The following ZNF672 variants were observed in gnomAD, a reference collection of about 807,000 sequenced individuals.
The protein encoded by ZNF672 is hypothetical protein FLJ22301.
For missense variants in ZNF672, 733 were observed against 701.1 expected (o/e 1.05, Z -0.51); for synonymous variants, 358 against 305.6 (o/e 1.17, Z -1.79).
Position 248,848,025 on chromosome 1 carries a change from G to T in ZNF672, c.751G>T (p.Gly251Cys). Residue 251 changes from glycine (G) to cysteine (C), a missense_variant, in exon 4 of 4, where the codon GGC becomes TGC. Transcript: ENST00000306562. Reference protein sequence around the residue: ...TLVRHQRTHTGEKPYACGDCG... With the variant: ...TLVRHQRTHTCEKPYACGDCG... ...GGTGCGCCACCAGCGCACACACACG[G>T]GCGAGAAGCCGTACGCATGTGGCGA... The T allele has an allele frequency of 6.4e-7, 1 of 1,555,864 alleles. No homozygotes were observed.
chr1:248,839,892 C>A lies in ZNF672; in HGVS notation c.-475+1341C>A, dbSNP rs117450541. 2.6e-3 allele frequency among the ~76,000 whole-genome samples: 391 copies of A among 151,670 alleles called. 12 individuals carry two copies. The East Asian group carries it at 0.067, about 26-fold the overall frequency. ...TAGCTGAGACTACAGACGGGCGCCA[C>A]CACACCTGGCTGATTTTTGTATTTT... On this transcript the variant is annotated intron_variant, in intron 1 of 3. Transcript: ENST00000306562.
chr1:248,847,643 G>T lies in ZNF672; in HGVS notation c.369G>T (p.Leu123=), dbSNP rs1487881885. 2.0e-6 allele frequency: 3 copies of T among 1,511,324 alleles called. No homozygotes were observed. Among genetic ancestry groups the T allele is most frequent in the Admixed American group, 4.1e-5 (2 of 48,634 alleles). 93.6% of individuals were successfully genotyped at this position (1,511,324 alleles called of 1,614,324 possible). Residue 123 remains leucine, a synonymous_variant, in exon 4 of 4, where the codon CTG becomes CTT. Coordinates refer to ENST00000306562, the MANE Select transcript of ZNF672 (RefSeq NM_024836.3). The stretch of plus-strand genomic sequence containing the variant: ...TGCTACACCGGCGCCGCCAGCATCT[G>T]CCAGAGCGGCCCCGCCGCTGCCCGC... ...ALLLHRRRQH[L]PERPRRCPLC... is the part of the protein sequence containing the mutation.
In ZNF672 at chr1:248,847,694, C is replaced by G. The variant is rs996383596; in HGVS notation, c.420C>G (p.Ser140Arg). 1 of 1,464,370 alleles carries G rather than the reference C, an allele frequency of 6.8e-7. No homozygotes were observed. Among genetic ancestry groups the G allele is most frequent in the Non-Finnish European group, 9.0e-7 (1 of 1,113,856 alleles). The allele number at this position is 1,464,370 out of a possible 1,614,324, so 90.7% of individuals were successfully genotyped here. A position where few individuals can be genotyped will look rare whatever the true frequency, so the allele number is the denominator to read the frequency against. ...TGTGCGCCCGCACCTTCCGGCAGAG[C>G]GCGCTGCTCTTCCACCAGGCGCGGG... Reference protein sequence around the residue: ...CPLCARTFRQSALLFHQARAH... With the variant: ...CPLCARTFRQRALLFHQARAH... The change falls in exon 4 of 4, where the codon AGC (serine) becomes AGG (arginine). Residue 140 changes from serine (S) to arginine (R), a missense_variant. Transcript: ENST00000306562.
Position 248,847,595 on chromosome 1 carries a change from C to T in ZNF672, c.321C>T (p.Arg107=), listed in dbSNP as rs1659192144. The change falls in exon 4 of 4, where the codon CGC becomes CGT. Residue 107 remains arginine (R), a synonymous_variant. Coordinates refer to ENST00000306562, the MANE Select transcript of ZNF672 (RefSeq NM_024836.3). ...GCCCCTGCCGCACATGCGGCCGGCG[C>T]TTCCCGCACCTCCCGGCGCTGCTGC... The part of the protein sequence containing the change: ...RTCPCRTCGR[R]FPHLPALLLH... 1.9e-6 allele frequency: 3 copies of T among 1,548,072 alleles called. No individual in the cohort carries two copies. The highest frequency in any genetic ancestry group is 2.6e-6 in the Non-Finnish European group (3 of 1,151,774).
In ZNF672 at chr1:248,847,615, T is replaced by TGCTGCTACACCGGCGCC; in HGVS notation, c.344_360dup (p.Gln121CysfsTer100). 1 of 1,530,918 alleles carries TGCTGCTACACCGGCGCC rather than the reference T, an allele frequency of 6.5e-7. No individual in the cohort carries two copies. The highest frequency in any genetic ancestry group is 8.8e-7 in the Non-Finnish European group (1 of 1,142,586). The allele number at this position is 1,530,918 out of a possible 1,614,324, so 94.8% of individuals were successfully genotyped here. A position where few individuals can be genotyped will look rare whatever the true frequency, so the allele number is the denominator to read the frequency against. ...CGGCGCTTCCCGCACCTCCCGGCGC[T>TGCTGCTACACCGGCGCC]GCTGCTACACCGGCGCCGCCAGCAT... is the stretch of plus-strand genomic sequence containing the variant. On this transcript the variant is annotated frameshift_variant, in exon 4 of 4. Transcript: ENST00000306562. LOFTEE classifies it low-confidence loss of function (END_TRUNC).
chr1:248,848,703 T>C lies in ZNF672; in HGVS notation c.*70T>C, dbSNP rs908638798. 1.0e-5 allele frequency: 15 copies of C among 1,495,942 alleles called. No individual in the cohort carries two copies. Among genetic ancestry groups the C allele is most frequent in the Admixed American group, 2.4e-5 (1 of 41,854 alleles). The allele number at this position is 1,495,942 out of a possible 1,614,324, so 92.7% of individuals were successfully genotyped here. A position where few individuals can be genotyped will look rare whatever the true frequency, so the allele number is the denominator to read the frequency against. On this transcript the variant is annotated 3_prime_UTR_variant, in exon 4 of 4. Coordinates refer to ENST00000306562, the MANE Select transcript of ZNF672 (RefSeq NM_024836.3). ...CACCTATATAGTATCACGGGGACAG[T>C]TGAGGCAACTCGTAGATGGAGATTT...
intron 2 of ZNF672, among the ~76,000 whole-genome samples, chr1:248,845,014 G>A (rs1274115016): frequency 6.6e-6 from 1 of 152,192 alleles, no homozygotes; most frequent in Non-Finnish European, 1.5e-5. Context: ...TGTAATCCCA[G>A]CACTCTGGGA....
At chr1:248,846,181 T>C (rs1183458060) in intron 3 of ZNF672, among the ~76,000 whole-genome samples, 1 of 152,248 alleles carries the variant, frequency 6.6e-6, no homozygotes, top group Non-Finnish European at 1.5e-5. Flanking sequence ...AATATGTTTT[T>C]CTTGATCAGA....
Position 248,847,212 on chromosome 1 carries a change from G to C in ZNF672, c.-63G>C. 1.9e-6 allele frequency: 3 copies of C among 1,546,446 alleles called. No individual in the cohort carries two copies. The highest frequency in any genetic ancestry group is 2.6e-6 in the Non-Finnish European group (3 of 1,138,660). On this transcript the variant is annotated 5_prime_UTR_variant, in exon 4 of 4. Transcript: ENST00000306562. ...GCCTTAAGAGAAGTAAAACTTAGCT[G>C]CAGCGTCAGGAGGTGGACCCCAGAG...
At position 248,848,519 on chromosome 1, in the gene ZNF672, G is replaced by A. The variant is rs779412685; in HGVS notation, c.1245G>A (p.Arg415=). ...GCCGCTCGCTGTCACAGCATCAGCG[G>A]GCCCACACGCGCGCCCGCACCGCTG... The part of the protein sequence containing the change: ...SHSRSLSQHQ[R]AHTRARTAAA... Residue 415 remains arginine (R), a synonymous_variant, in exon 4 of 4, where the codon CGG becomes CGA. Transcript: ENST00000306562. 2 of 1,601,372 alleles carry A rather than the reference G, an allele frequency of 1.2e-6. No homozygotes were observed. Among genetic ancestry groups the A allele is most frequent in the South Asian group, 2.2e-5 (2 of 90,132 alleles).
Position 248,838,278 on chromosome 1 carries a change from C to G in ZNF672, c.-748C>G, listed in dbSNP as rs1023498149. 1 of 152,410 alleles carries G rather than the reference C, an allele frequency of 6.6e-6. No individual in the cohort carries two copies. Among genetic ancestry groups the G allele is most frequent in the Admixed American group, 6.5e-5 (1 of 15,292 alleles). 9.4% of individuals were successfully genotyped at this position (152,410 alleles called of 1,614,324 possible). On this transcript the variant is annotated 5_prime_UTR_variant, in exon 1 of 4. Coordinates refer to ENST00000306562, the MANE Select transcript of ZNF672 (RefSeq NM_024836.3). Reference sequence around the variant, plus strand: ...GGCCGGAGAGGCTGAGTGGTTGGTACGCTGCTCGCTGGCCTCCCAGTCTTC... The same window carrying G: ...GGCCGGAGAGGCTGAGTGGTTGGTAGGCTGCTCGCTGGCCTCCCAGTCTTC...
At position 248,847,115 on chromosome 1, in the gene ZNF672, A is replaced by G. The variant is rs1295195747; in HGVS notation, c.-160A>G. On this transcript the variant is annotated 5_prime_UTR_variant, in exon 4 of 4. The change abolishes the stop of an existing upstream ORF in the 5' untranslated region. Coordinates refer to ENST00000306562, the MANE Select transcript of ZNF672 (RefSeq NM_024836.3). ...GGAACAGCCACAATGTCTGCCCCTT[A>G]GAGAAGAACCCTGAAATCAGACCAG... The G allele has an allele frequency of 4.2e-6, 4 of 955,312 alleles. No individual in the cohort carries two copies. Among genetic ancestry groups the G allele is most frequent in the African/African-American group, 1.6e-5 (1 of 60,656 alleles). 59.2% of individuals were successfully genotyped at this position (955,312 alleles called of 1,614,324 possible).
chr1:248,844,639 ATTG>A lies in ZNF672; in HGVS notation c.-321+9_-321+11del, dbSNP rs1664728724. ...CGCATCCGTAATGGAAGGAAATGGT[ATTG>A]TTGTTTATATGCCGTTTAAGTCTAC... On this transcript the variant is annotated splice_donor_5th_base_variant and intron_variant, in intron 2 of 3. Coordinates refer to ENST00000306562, the MANE Select transcript of ZNF672 (RefSeq NM_024836.3). 6.6e-6 allele frequency: 1 copy of A among 152,124 alleles called. No homozygotes were observed. The allele number at this position is 152,124 out of a possible 1,614,324, so 9.4% of individuals were successfully genotyped here.
Position 248,848,733 on chromosome 1 carries a change from A to G in ZNF672, c.*100A>G, listed in dbSNP as rs1431301429. On this transcript the variant is annotated 3_prime_UTR_variant, in exon 4 of 4. Coordinates refer to ENST00000306562, the MANE Select transcript of ZNF672 (RefSeq NM_024836.3). ...GCAACTCGTAGATGGAGATTTGGGA[A>G]AAGACGATGTGGCCTCCTACCTTTC... 6.2e-6 allele frequency: 9 copies of G among 1,453,694 alleles called. No individual in the cohort carries two copies. In the East Asian group the frequency reaches 7.4e-5, roughly 12 times the overall value. The allele number at this position is 1,453,694 out of a possible 1,614,324, so 90.0% of individuals were successfully genotyped here.
At chr1:248,844,995 G>A (rs933238877) in intron 2 of ZNF672, among the ~76,000 whole-genome samples, 3 of 152,248 alleles carry the variant, frequency 2.0e-5, no homozygotes, top group Non-Finnish European at 4.4e-5. Flanking sequence ...GGGCGTGATG[G>A]CTCACGCCTG....
In ZNF672 at chr1:248,847,517, C is replaced by A. The variant is rs1186673228; in HGVS notation, c.243C>A (p.His81Gln). The change falls in exon 4 of 4, where the codon CAC becomes CAA. Residue 81 changes from histidine to glutamine, a missense_variant. Transcript: ENST00000306562. ...ICSECGQSFR[H>Q]SGRLDLHLGA... is the part of the protein sequence containing the mutation. ...GTGAGTGCGGACAAAGCTTCCGCCA[C>A]AGCGGCCGTCTTGACCTACACTTGG... 2 of 1,597,914 alleles carry A rather than the reference C, an allele frequency of 1.3e-6. No homozygotes were observed. Among genetic ancestry groups the A allele is most frequent in the Admixed American group, 3.4e-5 (2 of 58,504 alleles).
rs2103032384 is a variant in ZNF672, at chr1:248,849,467, C to T, written c.*834C>T. The T allele has an allele frequency of 3.8e-6, 1 of 263,562 alleles. No individual in the cohort carries two copies. Among genetic ancestry groups the T allele is most frequent in the East Asian group, 1.0e-4 (1 of 9,876 alleles). 16.3% of individuals were successfully genotyped at this position (263,562 alleles called of 1,614,324 possible). ...GGCAGGATGGAAAATCCCCTGGAGC[C>T]GGTCAACTTTTTGCTCATGGCTAGT... is the stretch of plus-strand genomic sequence containing the variant. On this transcript the variant is annotated 3_prime_UTR_variant, in exon 4 of 4. Coordinates refer to ENST00000306562, the MANE Select transcript of ZNF672 (RefSeq NM_024836.3).
At chr1:248,843,848 T>TGAA (rs1664715704) in intron 1 of ZNF672, among the ~76,000 whole-genome samples, 1 of 152,222 alleles carries the variant, frequency 6.6e-6, no homozygotes, top group African/African-American at 2.4e-5. Flanking sequence ...CAGCCATGTT[T>TGAA]CAAGTGCTCA....
Position 248,848,096 on chromosome 1 carries a change from G to A in ZNF672, c.822G>A (p.Arg274=). ...FSESSTLLRH[R]RSHQGERPHA... ...AGAGTTCCACGCTGCTGCGCCATCG[G>A]CGCAGCCATCAGGGCGAGCGGCCAC... The change falls in exon 4 of 4, where the codon CGG becomes CGA. Residue 274 remains arginine, a synonymous_variant. Transcript: ENST00000306562. 1 of 1,550,870 alleles carries A rather than the reference G, an allele frequency of 6.4e-7. No homozygotes were observed. The highest frequency in any genetic ancestry group is 8.7e-7 in the Non-Finnish European group (1 of 1,149,948).
Sources: allele counts gnomAD v4.1 joint callset (sites outside exome capture counted in the v4.1 genomes callset), GRCh38; gene constraint gnomAD v4.1.1; transcripts MANE v1.5; gene names NCBI Gene and HGNC (gene_info 2026-07-23, HGNC 2026-07-21).